The following PDE4D variants were observed in gnomAD, a reference collection of about 807,000 sequenced individuals.
PDE4D encodes 3',5'-cyclic-AMP phosphodiesterase 4D.
PDE4D carries 24 observed loss-of-function variants against 87.4 expected under a neutral mutation model. The observed-to-expected ratio is 0.27, with a 90% CI of 0.20 to 0.39. The LOEUF (loss-of-function observed/expected upper bound fraction) is 0.39. Ranked by LOEUF, PDE4D falls within the 10% of genes least tolerant of loss-of-function variation. The pLI, the probability that PDE4D is intolerant of heterozygous loss-of-function variation, is 1.00. For missense variants in PDE4D, 714 were observed against 1,041.0 expected, an observed-to-expected ratio of 0.69 and a Z score of 4.32; for synonymous variants, 384 against 383.2, an observed-to-expected ratio of 1.00 and a Z score of -0.02.
intron 1 of PDE4D, among the ~76,000 whole-genome samples, chr5:59,513,841 A>G (rs1269791873): frequency 1.3e-5 from 2 of 152,180 alleles, no homozygotes; most frequent in African/African-American, 4.8e-5. Flanking sequence ...ATGTTTCTGA[A>G]GTTCGCTGTA....
intron 3 of PDE4D, among the ~76,000 whole-genome samples, chr5:59,930,163 C>CAAAA (rs35465849): frequency 2.3e-4 from 19 of 82,936 alleles, no homozygotes; most frequent in South Asian, 9.3e-4. Context: ...ACTCCGTCTC[C>CAAAA]AAAAAAAAAA....
At chr5:60,134,449 G>A (rs1477831461) in intron 2 of PDE4D, among the ~76,000 whole-genome samples, 1 of 152,176 alleles carries the variant, frequency 6.6e-6, no homozygotes, top group Non-Finnish European at 1.5e-5. Context: ...AGGCTGCACT[G>A]AGCTACAATC....
intron 1 of PDE4D, among the ~76,000 whole-genome samples, chr5:59,419,444 T>C (rs1297919747): frequency 2.0e-5 from 3 of 152,242 alleles, no homozygotes; most frequent in Non-Finnish European, 4.4e-5. Flanking sequence ...TACTGATATC[T>C]TAATGTTGTG....
intron 5 of PDE4D, among the ~76,000 whole-genome samples, chr5:59,124,982 T>A (rs62356724): frequency 0.23 from 33,977 of 149,830 alleles, 4,660 homozygotes; most frequent in Non-Finnish European, 0.32. Flanking sequence ...TTTCTTTTCT[T>A]TTCTTTTTTT....
chr5:60,009,148 T>C (rs1055929204), intron 2 of PDE4D, among the ~76,000 whole-genome samples: 1 of 152,064 alleles, frequency 6.6e-6, no homozygotes, highest in African/African-American at 2.4e-5. Context: ...TTCCTACATC[T>C]TAAGCATAAG....
At chr5:60,412,467 T>C (rs1742126178) in intron 1 of PDE4D, among the ~76,000 whole-genome samples, 1 of 152,158 alleles carries the variant, frequency 6.6e-6, no homozygotes, top group Admixed American at 6.5e-5. Context: ...TTCCACCTTG[T>C]TTTTGTCTTT....
intron 5 of PDE4D, among the ~76,000 whole-genome samples, chr5:59,146,238 G>T (rs1778639039): frequency 6.6e-6 from 1 of 152,028 alleles, no homozygotes; most frequent in South Asian, 2.1e-4. Flanking sequence ...TTTCCTTTCT[G>T]ATAGACACCT....
chr5:59,624,011 TA>T (rs1469272066), intron 1 of PDE4D, among the ~76,000 whole-genome samples: 2 of 151,242 alleles, frequency 1.3e-5, no homozygotes, highest in African/African-American at 4.9e-5. Context: ...TACTATTTTT[TA>T]TCACTTTACA....
rs371328171 is a variant in PDE4D at position 59,446,717 on chromosome 5, C to G, written c.456-230749G>C. ...GATATTACTAGTACGGAGCTCCCCA[C>G]AGGCATCATTGAGAAAGGCTCAAAC... On this transcript the variant is annotated intron_variant, in intron 1 of 14. Coordinates refer to ENST00000340635, the MANE Select transcript of PDE4D (RefSeq NM_001104631.2). 2.6e-5 allele frequency among the ~76,000 whole-genome samples: 4 copies of G among 152,220 alleles called. No individual in the cohort carries two copies. The East Asian group carries it at 7.7e-4, about 29-fold the overall frequency.
intron 5 of PDE4D, among the ~76,000 whole-genome samples, chr5:59,090,445 A>G (rs1363129736): frequency 6.6e-6 from 1 of 152,160 alleles, no homozygotes; most frequent in Admixed American, 6.5e-5. Flanking sequence ...GAGGATGTTG[A>G]TTCACTTGTC....
chr5:60,106,193 G>T (rs936969083), intron 2 of PDE4D, among the ~76,000 whole-genome samples: 2 of 151,578 alleles, frequency 1.3e-5, no homozygotes, highest in South Asian at 2.1e-4. Flanking sequence ...GCAAAAAAAG[G>T]CAGGGGTTGC....
At chr5:59,115,534 C>G (rs1286330064) in intron 5 of PDE4D, among the ~76,000 whole-genome samples, 5 of 152,142 alleles carry the variant, frequency 3.3e-5, no homozygotes, top group Non-Finnish European at 7.4e-5. Flanking sequence ...TGAATCATCA[C>G]TAAAATATGA....
intron 2 of PDE4D, among the ~76,000 whole-genome samples, chr5:60,104,190 G>A (rs1458328060): frequency 2.0e-5 from 3 of 152,196 alleles, no homozygotes; most frequent in African/African-American, 4.8e-5. Context: ...CTAAAAAAAC[G>A]GCACACCAGG....
intron 1 of PDE4D, among the ~76,000 whole-genome samples, chr5:60,345,660 T>C (rs1454182571): frequency 1.3e-5 from 2 of 151,996 alleles, no homozygotes; most frequent in African/African-American, 4.8e-5. Flanking sequence ...CATAAAACTA[T>C]AGCAAATGAA....
chr5:59,825,003 A>T (rs1770151539), intron 1 of PDE4D, among the ~76,000 whole-genome samples: 1 of 152,170 alleles, frequency 6.6e-6, no homozygotes, highest in Admixed American at 6.5e-5. Flanking sequence ...ATAGCACTAG[A>T]GCATCACTTT....
At chr5:59,808,446 T>C (rs1712839263) in intron 1 of PDE4D, among the ~76,000 whole-genome samples, 1 of 152,196 alleles carries the variant, frequency 6.6e-6, no homozygotes, top group Non-Finnish European at 1.5e-5. Flanking sequence ...CTTTGATTTC[T>C]CCTGGTAGGT....
chr5:59,714,110 C>T (rs1490050510), intron 1 of PDE4D, among the ~76,000 whole-genome samples: 3 of 152,142 alleles, frequency 2.0e-5, no homozygotes, highest in Admixed American at 2.0e-4. Flanking sequence ...GAAGATGCCC[C>T]ACCTGCAGAG....
chr5:59,562,860 C>T (rs151186765), intron 1 of PDE4D, among the ~76,000 whole-genome samples: 4 of 151,950 alleles, frequency 2.6e-5, no homozygotes, highest in East Asian at 1.9e-4. Context: ...AATTATATCT[C>T]GGTGGAATTG....
chr5:60,100,391 T>C (rs1410682870), intron 2 of PDE4D, among the ~76,000 whole-genome samples: 1 of 151,908 alleles, frequency 6.6e-6, no homozygotes, highest in Non-Finnish European at 1.5e-5. Context: ...AATATAGCTA[T>C]TTTACCTACC....
Sources: gnomAD v4.1 joint callset for allele counts (sites outside exome capture counted in the v4.1 genomes callset) on GRCh38, gnomAD v4.1.1 for gene constraint, MANE v1.5 for transcripts, NCBI Gene and HGNC (gene_info 2026-07-23, HGNC 2026-07-21) for gene names.